JPH3: variants seen among roughly 807,000 people sequenced by gnomAD.
JPH3 encodes the protein junctophilin 3, also known as junctophilin-3.
A neutral mutation model predicts 59.6 loss-of-function variants in JPH3; 11 were observed. The observed-to-expected ratio is 0.18, with a 90% CI of 0.12 to 0.31. JPH3 has a LOEUF of 0.31. Among genes scored for constraint, JPH3 ranks in the 10% least tolerant of loss-of-function variants. The probability of loss-of-function intolerance (pLI) is 1.00; values close to 1 mark genes in which losing one functional copy is unlikely to be tolerated. For synonymous variants in JPH3, 673 were observed against 483.6 expected (o/e 1.39, Z -5.14); for missense variants, 1,202 against 1,105.7 (o/e 1.09, Z -1.24).
chr16:87,667,066 C>A (rs999585538), intron 2 of JPH3, among the ~76,000 whole-genome samples: 1 of 152,254 alleles, frequency 6.6e-6, no homozygotes, highest in Non-Finnish European at 1.5e-5. Flanking sequence ...GGCCGTGCCC[C>A]CTCTGCAGCC....
intron 3 of JPH3, among the ~76,000 whole-genome samples, chr16:87,686,848 G>C (rs111957574): frequency 0.012 from 1,821 of 152,344 alleles, 47 homozygotes; most frequent in African/African-American, 0.042. Flanking sequence ...GGGGGCCGCT[G>C]TGATGGAGAG....
chr16:87,610,074 G>C (rs946475432), intron 1 of JPH3, among the ~76,000 whole-genome samples: 7 of 152,190 alleles, frequency 4.6e-5, no homozygotes, highest in Non-Finnish European at 7.3e-5. Flanking sequence ...GTGCAAACTA[G>C]GTCCCTGGCA....
At chr16:87,629,020 G>A (rs1228416646) in intron 1 of JPH3, among the ~76,000 whole-genome samples, 2 of 152,156 alleles carry the variant, frequency 1.3e-5, no homozygotes, top group Non-Finnish European at 2.9e-5. Context: ...CAGAAGGGCT[G>A]GGTCCGGAGT....
In JPH3 at chr16:87,606,135, C is replaced by T. The variant is rs568091024; in HGVS notation, c.382+2607C>T. Among the ~76,000 whole-genome samples the T allele has an allele frequency of 1.6e-4, 25 of 152,306 alleles. No individual in the cohort carries two copies. In the East Asian group the frequency reaches 4.6e-3, roughly 28 times the overall value. On this transcript the variant is annotated intron_variant, in intron 1 of 4. Coordinates refer to ENST00000284262, the MANE Select transcript of JPH3 (RefSeq NM_020655.4). ...GATCGCCAGAATGGGGCAGAGACCT[C>T]CATGCCTCCTTCCCAGTCAACTGGT... is the stretch of plus-strand genomic sequence containing the variant.
intron 4 of JPH3, chr16:87,696,336 C>T: frequency 1.7e-6 from 1 of 571,446 alleles, no homozygotes; most frequent in South Asian, 2.0e-5. Context: ...CAAGGGAATT[C>T]CAAGGGAATT....
Position 87,612,055 on chromosome 16 carries a change from G to C in JPH3, c.382+8527G>C, listed in dbSNP as rs115663811. Among the ~76,000 whole-genome samples the C allele has an allele frequency of 2.8e-3, 433 of 152,350 alleles. 2 individuals are homozygous for C. Among genetic ancestry groups the C allele is most frequent in the African/African-American group, 9.9e-3 (412 of 41,580 alleles). On this transcript the variant is annotated intron_variant, in intron 1 of 4. Transcript: ENST00000284262. Reference sequence around the variant, plus strand: ...CATCTAGGTTGCTTTAGAAAATGCAGATGCCCGGGCCCCACCCACAGGTGC... The same window carrying C: ...CATCTAGGTTGCTTTAGAAAATGCACATGCCCGGGCCCCACCCACAGGTGC...
chr16:87,678,781 G>T lies in JPH3; in HGVS notation c.1161-5361G>T, dbSNP rs866482089. ...CCCTCGTGAGGCAGAAGAGGAGAGA[G>T]ACACGTGCCGGAGAAGGCCACATGA... is the stretch of plus-strand genomic sequence containing the variant. On this transcript the variant is annotated intron_variant, in intron 2 of 4. Transcript: ENST00000284262. 2.6e-5 allele frequency among the ~76,000 whole-genome samples: 4 copies of T among 152,358 alleles called. No homozygotes were observed. The South Asian group carries it at 6.2e-4, about 24-fold the overall frequency.
At chr16:87,648,615 G>T (rs1055945342) in intron 2 of JPH3, among the ~76,000 whole-genome samples, 2 of 151,922 alleles carry the variant, frequency 1.3e-5, no homozygotes, top group African/African-American at 4.8e-5. Context: ...TGTGGAGCTC[G>T]GAGAGACTGA....
intron 3 of JPH3, 46 bp downstream of exon 3, chr16:87,684,312 G>T (rs752693): frequency 0.094 from 150,788 of 1,604,008 alleles, 8,594 homozygotes; most frequent in Admixed American, 0.22. Flanking sequence ...GAGGGGGTGC[G>T]TGGATGGCTG....
intron 2 of JPH3, 87 bp from the exon 3 acceptor site, chr16:87,684,052 CGTT>C: frequency 1.1e-6 from 1 of 907,404 alleles, no homozygotes; most frequent in Non-Finnish European, 1.8e-6. Context: ...TAGCCCAGCC[CGTT>C]GTTGGGGGGT....
intron 2 of JPH3, among the ~76,000 whole-genome samples, chr16:87,652,594 G>A (rs1274554018): frequency 6.6e-6 from 1 of 152,248 alleles, no homozygotes; most frequent in Non-Finnish European, 1.5e-5. Flanking sequence ...CTTCCGAGTA[G>A]CGTGTGGGGA....
chr16:87,674,311 C>A (rs535920350), intron 2 of JPH3, among the ~76,000 whole-genome samples: 1 of 151,620 alleles, frequency 6.6e-6, no homozygotes, highest in Non-Finnish European at 1.5e-5. Flanking sequence ...CCAGCCTGGA[C>A]GACAGAGCGA....
intron 4 of JPH3, among the ~76,000 whole-genome samples, chr16:87,691,448 G>A (rs1158674158): frequency 6.6e-6 from 1 of 152,210 alleles, no homozygotes; most frequent in Non-Finnish European, 1.5e-5. Flanking sequence ...CTGCCCCTCG[G>A]GTGTGAGGAC....
chr16:87,634,034 T>G lies in JPH3; in HGVS notation c.383-10224T>G, dbSNP rs79938734. Among the ~76,000 whole-genome samples the G allele has an allele frequency of 1.8e-3, 281 of 152,258 alleles. 2 individuals carry two copies. The highest frequency in any genetic ancestry group is 6.5e-3 in the African/African-American group (268 of 41,548). On this transcript the variant is annotated intron_variant, in intron 1 of 4. Transcript: ENST00000284262. ...GCATAGGATTAGCTTGTAATTTATG[T>G]GCTTGTGAAACGGCCGTGCAATGAA...
At chr16:87,658,281 C>G (rs2032574690) in intron 2 of JPH3, among the ~76,000 whole-genome samples, 2 of 152,196 alleles carry the variant, frequency 1.3e-5, no homozygotes, top group South Asian at 2.1e-4. Context: ...GGCAGGGATT[C>G]TGCATTGTCT....
chr16:87,664,373 C>T (rs1252885340), intron 2 of JPH3, among the ~76,000 whole-genome samples: 5 of 149,688 alleles, frequency 3.3e-5, no homozygotes, highest in East Asian at 2.0e-4. Context: ...CGCGGTGGCT[C>T]ACGCAGTTTG....
intron 2 of JPH3, among the ~76,000 whole-genome samples, chr16:87,658,793 G>A (rs2032597703): frequency 6.6e-6 from 1 of 152,246 alleles, no homozygotes; most frequent in Non-Finnish European, 1.5e-5. Flanking sequence ...CCTGCTGAGA[G>A]GGACAAGGTG....
In JPH3 at chr16:87,624,407, T is replaced by C. The variant is rs372044995; in HGVS notation, c.383-19851T>C. Reference sequence around the variant, plus strand: ...CTGACGTTTCGCATGCGTGGAGTCATACGCTGAGAGGCCTTTTGTGTGTCG... The same window carrying C: ...CTGACGTTTCGCATGCGTGGAGTCACACGCTGAGAGGCCTTTTGTGTGTCG... On this transcript the variant is annotated intron_variant, in intron 1 of 4. Coordinates refer to ENST00000284262, the MANE Select transcript of JPH3 (RefSeq NM_020655.4). Among the ~76,000 whole-genome samples the C allele has an allele frequency of 9.3e-4, 142 of 152,330 alleles. 1 individual carries two copies. The highest frequency in any genetic ancestry group is 3.2e-3 in the African/African-American group (131 of 41,564).
chr16:87,671,427 ACT>A (rs540321489), intron 2 of JPH3, among the ~76,000 whole-genome samples: 1 of 152,088 alleles, frequency 6.6e-6, no homozygotes, highest in Non-Finnish European at 1.5e-5. Flanking sequence ...GTGCCAGGTG[ACT>A]CAGCCAGGGC....
Sources: gnomAD v4.1 joint callset for allele counts (sites outside exome capture counted in the v4.1 genomes callset) on GRCh38, gnomAD v4.1.1 for gene constraint, MANE v1.5 for transcripts, NCBI Gene and HGNC (gene_info 2026-07-23, HGNC 2026-07-21) for gene names.